COLQ: variants seen among roughly 807,000 people sequenced by gnomAD.
COLQ encodes acetylcholinesterase collagenic tail peptide.
A neutral mutation model predicts 69.0 loss-of-function variants in COLQ; 48 were observed. The observed-to-expected ratio is 0.70, with a 90% CI of 0.55 to 0.88. The LOEUF is 0.88. Among genes scored for constraint, COLQ ranks in the 40% least tolerant of loss-of-function variants. The probability of loss-of-function intolerance (pLI) is 0.00; values close to 1 mark genes in which losing one functional copy is unlikely to be tolerated. For synonymous variants in COLQ, 217 were observed against 211.2 expected (o/e 1.03, Z -0.24); for missense variants, 618 against 594.6 (o/e 1.04, Z -0.41).
At chr3:15,500,335 C>T (rs966372130) in intron 1 of COLQ, among the ~76,000 whole-genome samples, 2 of 152,200 alleles carry the variant, frequency 1.3e-5, no homozygotes, top group Admixed American at 1.3e-4. Context: ...ATCACATTTT[C>T]CTGACTTTCT....
rs541144939 is a variant in COLQ, at chr3:15,482,369, T to C, written c.322-2987A>G. The stretch of plus-strand genomic sequence containing the variant: ...GTTTGTCATAAATAGCTCTTATTAT[T>C]TTGAGATACGTCCCATCAATACCTA... On this transcript the variant is annotated intron_variant, in intron 3 of 16. Transcript: ENST00000383788. Among the ~76,000 whole-genome samples the C allele has an allele frequency of 3.0e-4, 45 of 152,326 alleles. 2 individuals are homozygous for C. The South Asian group carries it at 9.3e-3, about 32-fold the overall frequency.
chr3:15,500,291 G>T (rs1017465518), intron 1 of COLQ, among the ~76,000 whole-genome samples: 11 of 152,336 alleles, frequency 7.2e-5, no homozygotes, highest in African/African-American at 2.6e-4. Context: ...GGAGTCCTCA[G>T]TCCTGAGTCC....
Position 15,521,613 on chromosome 3 carries a change from T to G in COLQ, c.13A>C (p.Asn5His), listed in dbSNP as rs372693142. The G allele has an allele frequency of 6.2e-7, 1 of 1,614,040 alleles. No individual in the cohort carries two copies. The highest frequency in any genetic ancestry group is 1.3e-5 in the African/African-American group (1 of 74,912). ...AGATAAATTCCCAAAGTCATTGGAT[T>G]CAGGACAACCATGCTGGCCAGGGTC... MVVL[N>H]PMTLGIYLQL... Residue 5 changes from asparagine to histidine, a missense_variant, in exon 1 of 17, where the codon AAT (asparagine) becomes CAT (histidine). By Grantham distance (68) the Asn-to-His change is moderately conservative. Coordinates refer to ENST00000383788, the MANE Select transcript of COLQ (RefSeq NM_005677.4).
intron 11 of COLQ, among the ~76,000 whole-genome samples, chr3:15,467,284 A>T (rs1312467068): frequency 1.3e-5 from 2 of 152,244 alleles, no homozygotes; most frequent in Admixed American, 1.3e-4. Flanking sequence ...GACTCCAGGT[A>T]ACTCATGTCA....
At chr3:15,454,666 T>TC (rs1419613685) in intron 15 of COLQ, among the ~76,000 whole-genome samples, 2 of 143,048 alleles carry the variant, frequency 1.4e-5, no homozygotes, top group African/African-American at 2.7e-5. Context: ...TTTTTTTTTT[T>TC]TTTTTTTGAG....
chr3:15,476,178 C>T (rs2062374949), intron 6 of COLQ, among the ~76,000 whole-genome samples: 1 of 152,162 alleles, frequency 6.6e-6, no homozygotes, highest in Non-Finnish European at 1.5e-5. Context: ...ATTTACACAT[C>T]TCCATTCAGG....
intron 1 of COLQ, among the ~76,000 whole-genome samples, chr3:15,507,824 G>T (rs1383485637): frequency 2.0e-5 from 3 of 152,116 alleles, no homozygotes. Flanking sequence ...ACATTTTGAA[G>T]CCATTTATAC....
In COLQ at chr3:15,478,988, G is replaced by C. The variant is rs1230299116; in HGVS notation, c.382C>G (p.Pro128Ala). 3 of 1,614,160 alleles carry C rather than the reference G, an allele frequency of 1.9e-6. No homozygotes were observed. The Admixed American group carries it at 5.0e-5, about 27-fold the overall frequency. Reference sequence around the variant, plus strand: ...AGCGCAGACCATACCTTCCTTCCTGGTCGGCCAAGCTCCCCCTATGGATGG... The same window carrying C: ...AGCGCAGACCATACCTTCCTTCCTGCTCGGCCAAGCTCCCCCTATGGATGG... ...PKGEKGELGR[P>A]GRKGRPGPPG... The change falls in exon 5 of 17, where the codon CCA becomes GCA. Residue 128 changes from proline to alanine, a missense_variant. By Grantham distance (27) the Pro-to-Ala change is conservative (BLOSUM62 -1). Coordinates refer to ENST00000383788, the MANE Select transcript of COLQ (RefSeq NM_005677.4).
intron 16 of COLQ, 102 bp from the exon 17 acceptor site, chr3:15,451,815 G>T (rs2061947374): frequency 2.0e-6 from 2 of 1,004,376 alleles, no homozygotes; most frequent in South Asian, 1.3e-5. Context: ...GGCTCTACAA[G>T]AACTTTTTCC....
chr3:15,517,073 C>T (rs1035701937), intron 1 of COLQ, among the ~76,000 whole-genome samples: 7 of 152,076 alleles, frequency 4.6e-5, no homozygotes, highest in African/African-American at 1.4e-4. Flanking sequence ...ACCTGGAAGG[C>T]GGAGGGTTGC....
chr3:15,511,232 T>C (rs1029390470), intron 1 of COLQ, among the ~76,000 whole-genome samples: 1 of 152,172 alleles, frequency 6.6e-6, no homozygotes, highest in African/African-American at 2.4e-5. Context: ...TTACCTGAAC[T>C]CCTAAGGACT....
chr3:15,477,230 T>A, intron 5 of COLQ, 33 bp from the exon 6 acceptor site: 1 of 1,568,408 alleles, frequency 6.4e-7, no homozygotes, highest in African/African-American at 1.3e-5. Flanking sequence ...TCAGGGCAAC[T>A]GGGTTTGTTT....
rs574779814 is a variant in COLQ at position 15,473,632 on chromosome 3, G to C, written c.636+368C>G. Among the ~76,000 whole-genome samples, 5 of 152,316 alleles carry C rather than the reference G, an allele frequency of 3.3e-5. No homozygotes were observed. Among genetic ancestry groups the C allele is most frequent in the African/African-American group, 1.2e-4 (5 of 41,570 alleles). ...TGCCTTACACTGAGGCCTGTGTGCT[G>C]ACAGGGGCTTTGACCGTTGTGGCTC... On this transcript the variant is annotated intron_variant, in intron 10 of 16. Transcript: ENST00000383788. The surrounding 1 kb of genome is among the most constrained non-coding windows in gnomAD (Gnocchi z 4.0).
chr3:15,506,467 T>C (rs2062912545), intron 1 of COLQ, among the ~76,000 whole-genome samples: 1 of 152,222 alleles, frequency 6.6e-6, no homozygotes, highest in Admixed American at 6.5e-5. Flanking sequence ...TACCAACCAT[T>C]ACTTAGTTTT....
At chr3:15,488,745 A>G (rs1394325859) in intron 2 of COLQ, among the ~76,000 whole-genome samples, 2 of 152,218 alleles carry the variant, frequency 1.3e-5, no homozygotes, top group Non-Finnish European at 2.9e-5. Context: ...AACAAAACTC[A>G]AATATTATCA....
intron 1 of COLQ, among the ~76,000 whole-genome samples, chr3:15,495,464 T>C (rs911455114): frequency 5.9e-5 from 9 of 152,264 alleles, no homozygotes; most frequent in African/African-American, 1.9e-4. Context: ...ATTGGTTTTT[T>C]AAACAGCAGC....
intron 16 of COLQ, 108 bp from the exon 17 acceptor site, chr3:15,451,821 T>C (rs968178055): frequency 1.3e-5 from 12 of 944,682 alleles, no homozygotes; most frequent in Non-Finnish European, 1.9e-5. Context: ...ACAAGAACTT[T>C]TTCCCATTCT....
intron 1 of COLQ, among the ~76,000 whole-genome samples, chr3:15,519,177 G>A (rs1232153472): frequency 6.6e-6 from 1 of 152,036 alleles, no homozygotes; most frequent in Non-Finnish European, 1.5e-5. Context: ...ATTCCCGCTA[G>A]GTCTATTCCA....
In COLQ at chr3:15,473,981, C is replaced by T; in HGVS notation, c.636+19G>A. On this transcript the variant is annotated intron_variant, in intron 10 of 16. Coordinates refer to ENST00000383788, the MANE Select transcript of COLQ (RefSeq NM_005677.4). The surrounding 1 kb of genome is among the most constrained non-coding windows in gnomAD (Gnocchi z 4.0). ...ATATTTTTATTGAGGCCTATTTTCACTACCTCAAGGTTACTTACTTTCTGC... is the reference window on the plus strand; with the variant it reads ...ATATTTTTATTGAGGCCTATTTTCATTACCTCAAGGTTACTTACTTTCTGC... The T allele has an allele frequency of 6.2e-6, 10 of 1,613,930 alleles. No individual in the cohort carries two copies. The highest frequency in any genetic ancestry group is 8.5e-6 in the Non-Finnish European group (10 of 1,179,816).
Sources: allele counts gnomAD v4.1 joint callset (sites outside exome capture counted in the v4.1 genomes callset), GRCh38; gene constraint gnomAD v4.1.1; non-coding constraint Gnocchi (gnomAD v3.1); transcripts MANE v1.5; gene names NCBI Gene and HGNC (gene_info 2026-07-23, HGNC 2026-07-21).